The following ULK4 variants were observed in gnomAD, a reference collection of about 807,000 sequenced individuals.
ULK4 encodes unc-51 like kinase 4, also known as inactive serine/threonine-protein kinase ULK4.
Under a neutral mutation model 160.6 loss-of-function variants are expected in ULK4, and 133 were observed. That is an observed-to-expected ratio of 0.83 (90% CI 0.72 to 0.96). The LOEUF is 0.96. ULK4 is among the 40% of genes least tolerant of loss of function. ULK4 has a pLI of 0.00. For missense variants in ULK4, 1,580 were observed against 1,499.5 expected (o/e 1.05, Z -0.89); for synonymous variants, 534 against 539.8 (o/e 0.99, Z 0.15).
At chr3:41,726,682 C>A (rs1353711277) in intron 22 of ULK4, among the ~76,000 whole-genome samples, 1 of 152,216 alleles carries the variant, frequency 6.6e-6, no homozygotes, top group Non-Finnish European at 1.5e-5. Flanking sequence ...GTGGCATGAT[C>A]TCAGCTCACT....
intron 35 of ULK4, among the ~76,000 whole-genome samples, chr3:41,273,359 G>C (rs2079170736): frequency 6.6e-6 from 1 of 152,148 alleles, no homozygotes; most frequent in Non-Finnish European, 1.5e-5. Flanking sequence ...TAGTTTGCCT[G>C]GTGGGAATGG....
At chr3:41,525,755 C>T (rs2086093808) in intron 32 of ULK4, among the ~76,000 whole-genome samples, 1 of 152,198 alleles carries the variant, frequency 6.6e-6, no homozygotes, top group African/African-American at 2.4e-5. Flanking sequence ...ATTTATGGAA[C>T]ATTGCTTTTC....
At chr3:41,436,045 T>C (rs947152744) in intron 34 of ULK4, among the ~76,000 whole-genome samples, 4 of 152,188 alleles carry the variant, frequency 2.6e-5, no homozygotes, top group African/African-American at 9.7e-5. Context: ...TTTATGATGG[T>C]GGGAAAGCGA....
intron 35 of ULK4, among the ~76,000 whole-genome samples, chr3:41,288,951 C>T (rs945196561): frequency 2.6e-5 from 4 of 152,152 alleles, no homozygotes; most frequent in African/African-American, 4.8e-5. Flanking sequence ...ATGGAGCAGG[C>T]ACACGGCAGG....
In ULK4 at chr3:41,754,520, G is replaced by A. The variant is rs1372470512; in HGVS notation, c.2194-32C>T. 7.5e-6 allele frequency: 12 copies of A among 1,592,398 alleles called. No homozygotes were observed. In the Admixed American group the frequency reaches 9.0e-5, roughly 12 times the overall value. Reference sequence around the variant, plus strand: ...AAGACATTTAAACAATTTTTTGAGAGAACATAAAAAAATAGGGCAGTCTCA... The same window carrying A: ...AAGACATTTAAACAATTTTTTGAGAAAACATAAAAAAATAGGGCAGTCTCA... On this transcript the variant is annotated intron_variant, in intron 21 of 36. Transcript: ENST00000301831.
rs907535872 is a variant in ULK4, at chr3:41,715,816, A to T, written c.2456-248T>A. On this transcript the variant is annotated intron_variant, in intron 23 of 36. Coordinates refer to ENST00000301831, the MANE Select transcript of ULK4 (RefSeq NM_017886.4). ...CATTTGGAAATGAAAAATAAAATTT[A>T]ATAAATTATTATAATAGAGTAATAG... Among the ~76,000 whole-genome samples, 6 of 151,522 alleles carry T rather than the reference A, an allele frequency of 4.0e-5. No individual in the cohort carries two copies. In the East Asian group the frequency reaches 1.2e-3, roughly 29 times the overall value.
At chr3:41,876,252 G>C (rs1448022682) in intron 17 of ULK4, among the ~76,000 whole-genome samples, 1 of 152,058 alleles carries the variant, frequency 6.6e-6, no homozygotes, top group Non-Finnish European at 1.5e-5. Flanking sequence ...ATGATGCAAA[G>C]GTGATTTATT....
intron 35 of ULK4, among the ~76,000 whole-genome samples, chr3:41,332,705 A>G (rs2080471885): frequency 1.3e-5 from 2 of 152,154 alleles, no homozygotes; most frequent in South Asian, 4.1e-4. Flanking sequence ...TGTTATGTGA[A>G]CATATTGTGT....
At chr3:41,908,060 G>A (rs1698642140) in intron 11 of ULK4, 119 bp from the exon 12 acceptor site, 1 of 466,252 alleles carries the variant, frequency 2.1e-6, no homozygotes, top group South Asian at 7.8e-5. Flanking sequence ...TCCATATACT[G>A]TCACTAAAAA....
chr3:41,726,035 T>C (rs1409469770), intron 22 of ULK4, among the ~76,000 whole-genome samples: 1 of 152,180 alleles, frequency 6.6e-6, no homozygotes, highest in African/African-American at 2.4e-5. Context: ...TGAAATCCTC[T>C]CCAAATTTAC....
At chr3:41,596,634 GTGAGA>G (rs1323548808) in intron 31 of ULK4, among the ~76,000 whole-genome samples, 5 of 152,144 alleles carry the variant, frequency 3.3e-5, no homozygotes, top group African/African-American at 1.2e-4. Context: ...GGCATTCGGA[GTGAGA>G]TATGTGAAAT....
intron 34 of ULK4, among the ~76,000 whole-genome samples, chr3:41,416,317 AT>A (rs1385191939): frequency 6.6e-6 from 1 of 152,022 alleles, no homozygotes; most frequent in Non-Finnish European, 1.5e-5. Flanking sequence ...CGTATTTCCT[AT>A]TTTTTTCTGT....
chr3:41,464,216 T>C (rs2083768625), intron 32 of ULK4, among the ~76,000 whole-genome samples: 1 of 152,130 alleles, frequency 6.6e-6, no homozygotes, highest in Non-Finnish European at 1.5e-5. Flanking sequence ...GTGCACCTTG[T>C]CACTTCCAGC....
At chr3:41,642,016 C>A (rs1308607340) in intron 30 of ULK4, among the ~76,000 whole-genome samples, 1 of 151,848 alleles carries the variant, frequency 6.6e-6, no homozygotes, top group African/African-American at 2.4e-5. Context: ...GCTGGAATTA[C>A]AGGCACATGC....
intron 9 of ULK4, among the ~76,000 whole-genome samples, chr3:41,912,489 G>A (rs866825110): frequency 6.6e-6 from 1 of 152,078 alleles, no homozygotes; most frequent in Non-Finnish European, 1.5e-5. Flanking sequence ...CAAGTCACAT[G>A]ACCACACCTA....
chr3:41,806,623 G>A (rs1053383101), intron 19 of ULK4, among the ~76,000 whole-genome samples: 1 of 151,904 alleles, frequency 6.6e-6, no homozygotes, highest in Non-Finnish European at 1.5e-5. Flanking sequence ...TGGGCATTTA[G>A]TGCTATAAAT....
chr3:41,464,739 T>A (rs1005031742), intron 32 of ULK4, among the ~76,000 whole-genome samples: 1 of 152,132 alleles, frequency 6.6e-6, no homozygotes, highest in Non-Finnish European at 1.5e-5. Context: ...GTCACACAGA[T>A]GGTCAAAGGT....
chr3:41,341,905 C>T (rs2080693861), intron 35 of ULK4, among the ~76,000 whole-genome samples: 1 of 152,186 alleles, frequency 6.6e-6, no homozygotes, highest in Non-Finnish European at 1.5e-5. Flanking sequence ...CATGAAGCAT[C>T]TATAAAATGG....
chr3:41,816,485 C>T (rs2040968277), intron 19 of ULK4, among the ~76,000 whole-genome samples: 1 of 152,150 alleles, frequency 6.6e-6, no homozygotes, highest in South Asian at 2.1e-4. Context: ...AGATGGTCAT[C>T]CTCATTAGTA....
Sources: allele counts gnomAD v4.1 joint callset (sites outside exome capture counted in the v4.1 genomes callset), GRCh38; gene constraint gnomAD v4.1.1; transcripts MANE v1.5; gene names NCBI Gene and HGNC (gene_info 2026-07-23, HGNC 2026-07-21).